Variants in C1orf162 observed in about 807,000 individuals in gnomAD.
C1orf162 encodes transmembrane protein C1orf162.
In C1orf162, 10 loss-of-function variants were observed where a neutral mutation model predicts 11.4. The ratio of observed to expected loss-of-function variants is 0.88; its 90% CI spans 0.54 to 1.48. The LOEUF (loss-of-function observed/expected upper bound fraction) is 1.48. C1orf162 is among the 40% of genes most tolerant of loss of function. The pLI is 0.00. For synonymous variants in C1orf162, 53 were observed against 55.0 expected (o/e 0.96, Z 0.16); for missense variants, 140 against 149.5 (o/e 0.94, Z 0.33).
chr1:111,478,043 G>T lies in C1orf162; in HGVS notation c.313G>T (p.Glu105Ter). Residue 105 changes from glutamate to a stop codon, truncating the protein, a stop_gained, in exon 6 of 6, where the codon GAA (glutamate) becomes TAA (stop). Coordinates refer to ENST00000369718, the MANE Select transcript of C1orf162 (RefSeq NM_001300834.2). LOFTEE classifies it low-confidence loss of function (END_TRUNC). The part of the protein sequence containing the change: ...YASTTFKLSE[E>*]KSNHLAENHS... ...CAGCACAACTTTCAAACTCTCAGAA[G>T]AAAAGAGCAATCACTTGGCTGAGAA... 6.2e-7 allele frequency: 1 copy of T among 1,614,058 alleles called. No individual in the cohort carries two copies. Among genetic ancestry groups the T allele is most frequent in the Non-Finnish European group, 8.5e-7 (1 of 1,179,916 alleles).
rs1654046649 is a variant in C1orf162, at chr1:111,477,730, C to A, written c.207C>A (p.His69Gln). 6.2e-7 allele frequency: 1 copy of A among 1,613,862 alleles called. No individual in the cohort carries two copies. The highest frequency in any genetic ancestry group is 8.5e-7 in the Non-Finnish European group (1 of 1,179,988). ...FLIIKSYRKY[H>Q]SKPQAPDPHS... ...TTCTTTCTGGCACCATGGCAGATCA[C>A]TCCAAGCCCCAGGCCCCAGATCCTC... Residue 69 changes from histidine to glutamine, a missense_variant, in exon 5 of 6, where the codon CAC becomes CAA. Physicochemically the swap from His to Gln is conservative, Grantham distance 24. Transcript: ENST00000369718.
chr1:111,477,378 C>T lies in C1orf162; in HGVS notation c.152C>T (p.Thr51Ile). 6.2e-7 allele frequency: 1 copy of T among 1,614,116 alleles called. No individual in the cohort carries two copies. Among genetic ancestry groups the T allele is most frequent in the Non-Finnish European group, 8.5e-7 (1 of 1,179,996 alleles). ...ILAFCAGVLLTLLLIAFIFLI... is the reference protein window; with the variant it reads ...ILAFCAGVLLILLLIAFIFLI... ...GCCTTTTGTGCTGGGGTTCTACTGA[C>T]ACTGCTGCTGATAGCCTTTATCTTC... Residue 51 changes from threonine (T) to isoleucine (I), a missense_variant, in exon 4 of 6, where the codon ACA becomes ATA. Thr to Ile is a moderately conservative substitution (Grantham distance 89). Coordinates refer to ENST00000369718, the MANE Select transcript of C1orf162 (RefSeq NM_001300834.2).
At chr1:111,476,100 G>T in intron 2 of C1orf162, 35 bp downstream of exon 2, 1 of 1,597,896 alleles carries the variant, frequency 6.3e-7, no homozygotes, top group Non-Finnish European at 8.6e-7. Flanking sequence ...CCTGCCTCAC[G>T]TCTGAGTTAA....
intron 4 of C1orf162, 105 bp downstream of exon 4, chr1:111,477,533 T>TA: frequency 6.8e-7 from 1 of 1,479,762 alleles, no homozygotes; most frequent in African/African-American, 1.4e-5. Flanking sequence ...TGCAGTGTGA[T>TA]AAAACCTGCT....
Position 111,476,033 on chromosome 1 carries a change from G to C in C1orf162, c.5G>C (p.Gly2Ala). 1 of 1,613,292 alleles carries C rather than the reference G, an allele frequency of 6.2e-7. No individual in the cohort carries two copies. M[G>A]GNGSTCKPDT... ...TTATTCTCAGGGGATGACAGCATGGGAGGCAATGGCTCCACATGTAAACCC... is the reference window on the plus strand; with the variant it reads ...TTATTCTCAGGGGATGACAGCATGGCAGGCAATGGCTCCACATGTAAACCC... Residue 2 changes from glycine to alanine, a missense_variant, in exon 2 of 6, where the codon GGA becomes GCA. By Grantham distance (60) the Gly-to-Ala change is moderately conservative. Coordinates refer to ENST00000369718, the MANE Select transcript of C1orf162 (RefSeq NM_001300834.2).
At chr1:111,475,698 C>G (rs1484056720) in intron 1 of C1orf162, 1 of 263,902 alleles carries the variant, frequency 3.8e-6, no homozygotes, top group African/African-American at 2.1e-5. Context: ...CAACATGTAC[C>G]TAATGTTATT....
At chr1:111,475,725 T>G in intron 1 of C1orf162, 1 of 335,398 alleles carries the variant, frequency 3.0e-6, no homozygotes. Context: ...TATACATCAG[T>G]CTCCTGTGAG....
intron 2 of C1orf162, 130 bp from the exon 3 acceptor site, chr1:111,476,668 G>T: frequency 1.2e-6 from 1 of 805,446 alleles, no homozygotes; most frequent in Non-Finnish European, 2.1e-6. Context: ...TCTCATTTTT[G>T]TAAGAGTTGC....
chr1:111,474,272 T>G (rs1339786424), intron 1 of C1orf162, among the ~76,000 whole-genome samples: 4 of 152,240 alleles, frequency 2.6e-5, no homozygotes, highest in African/African-American at 9.6e-5. Flanking sequence ...GCCAACTGTT[T>G]GGGTTGTGCT....
intron 2 of C1orf162, 101 bp from the exon 3 acceptor site, chr1:111,476,697 C>A: frequency 9.0e-7 from 1 of 1,116,438 alleles, no homozygotes; most frequent in Non-Finnish European, 1.4e-6. Context: ...CCTTAATTTC[C>A]ACTGGTTGCT....
chr1:111,477,005 T>C, intron 3 of C1orf162, 138 bp downstream of exon 3: 1 of 955,660 alleles, frequency 1.0e-6, no homozygotes, highest in South Asian at 1.4e-5. Flanking sequence ...AGTCAGTTTG[T>C]GATCTCAGGA....
intron 2 of C1orf162, among the ~76,000 whole-genome samples, chr1:111,476,546 T>G (rs1399881417): frequency 6.6e-6 from 1 of 151,168 alleles, no homozygotes; most frequent in Non-Finnish European, 1.5e-5. Context: ...GAGCAACATA[T>G]GAGATTTTTT....
intron 2 of C1orf162, 42 bp downstream of exon 2, chr1:111,476,107 T>A: frequency 1.3e-6 from 2 of 1,578,222 alleles, no homozygotes; most frequent in Non-Finnish European, 1.7e-6. Context: ...CACGTCTGAG[T>A]TAAAATAACT....
At chr1:111,476,713 A>G in intron 2 of C1orf162, 85 bp from the exon 3 acceptor site, 4 of 1,351,132 alleles carry the variant, frequency 3.0e-6, no homozygotes, top group Non-Finnish European at 4.3e-6. Context: ...TTGCTTGGGT[A>G]GAATGGGGCA....
In C1orf162 at chr1:111,478,269, C is replaced by G; in HGVS notation, c.*146C>G. Reference sequence around the variant, plus strand: ...TTTAGATGTGATCTGGCAATGCTATCCAGCATCTTTGGAGACCAATGGTCA... The same window carrying G: ...TTTAGATGTGATCTGGCAATGCTATGCAGCATCTTTGGAGACCAATGGTCA... On this transcript the variant is annotated 3_prime_UTR_variant, in exon 6 of 6. Transcript: ENST00000369718. 1.1e-6 allele frequency: 1 copy of G among 936,188 alleles called. No individual in the cohort carries two copies. Among genetic ancestry groups the G allele is most frequent in the East Asian group, 2.6e-5 (1 of 39,168 alleles). 58.0% of individuals were successfully genotyped at this position (936,188 alleles called of 1,614,324 possible).
chr1:111,476,139 T>A, intron 2 of C1orf162, 74 bp downstream of exon 2: 1 of 1,409,290 alleles, frequency 7.1e-7, no homozygotes, highest in Admixed American at 1.7e-5. Flanking sequence ...TGAAGGGCTG[T>A]AATGGAAAGG....
intron 4 of C1orf162, 106 bp downstream of exon 4, chr1:111,477,534 A>G (rs1654033743): frequency 6.8e-7 from 1 of 1,481,110 alleles, no homozygotes. Flanking sequence ...GCAGTGTGAT[A>G]AAACCTGCTT....
chr1:111,475,141 A>G (rs1014073501), intron 1 of C1orf162: 3 of 151,728 alleles, frequency 2.0e-5, no homozygotes, highest in Non-Finnish European at 4.4e-5. Context: ...AGCAAGTTAT[A>G]GTACATAGCT....
chr1:111,477,846 T>A, intron 5 of C1orf162, 71 bp downstream of exon 5: 1 of 1,597,994 alleles, frequency 6.3e-7, no homozygotes, highest in Non-Finnish European at 8.6e-7. Flanking sequence ...ATACTCTTCA[T>A]TATCTGCTAG....
Sources: gnomAD v4.1 joint callset for allele counts (sites outside exome capture counted in the v4.1 genomes callset) on GRCh38, gnomAD v4.1.1 for gene constraint, MANE v1.5 for transcripts, NCBI Gene and HGNC (gene_info 2026-07-23, HGNC 2026-07-21) for gene names.